UST: variants seen among roughly 807,000 people sequenced by gnomAD.
UST encodes the protein uronyl 2-sulfotransferase, also known as chondroitin sulfate 2-O-sulfotransferase.
In UST, 21 loss-of-function variants were observed where a neutral mutation model predicts 45.6. That is an observed-to-expected ratio of 0.46 (90% confidence interval 0.33 to 0.66). UST has a LOEUF of 0.66. Ranked by LOEUF, UST falls within the 30% of genes least tolerant of loss-of-function variation. The pLI, the probability that UST is intolerant of heterozygous loss-of-function variation, is 0.02. For synonymous variants in UST, 215 were observed against 200.6 expected (o/e 1.07, Z -0.61); for missense variants, 463 against 512.4 (o/e 0.90, Z 0.93).
chr6:149,049,921 T>TCACACACA (rs1392198421), intron 7 of UST, among the ~76,000 whole-genome samples: 3 of 101,446 alleles, frequency 3.0e-5, no homozygotes, highest in African/African-American at 1.3e-4. Flanking sequence ...TCTCTCTCTC[T>TCACACACA]CTCTCTCTCT....
At chr6:148,973,476 A>G (rs902796605) in intron 5 of UST, among the ~76,000 whole-genome samples, 6 of 152,262 alleles carry the variant, frequency 3.9e-5, no homozygotes, top group Non-Finnish European at 8.8e-5. Context: ...TGCTAAATTA[A>G]AAGATGTGGG....
At chr6:148,797,082 C>T (rs1028740206) in intron 1 of UST, among the ~76,000 whole-genome samples, 2 of 152,018 alleles carry the variant, frequency 1.3e-5, no homozygotes, top group Non-Finnish European at 2.9e-5. Context: ...CATGAGCCAC[C>T]GCGCCCAACC....
At chr6:148,973,789 T>A (rs151099353) in intron 5 of UST, among the ~76,000 whole-genome samples, 251 of 152,348 alleles carry the variant, frequency 1.6e-3, no homozygotes, top group African/African-American at 5.5e-3. Flanking sequence ...CTTCAAAATA[T>A]TTTGCAAAGT....
chr6:148,957,947 G>A (rs942446524), intron 4 of UST, among the ~76,000 whole-genome samples: 18 of 152,244 alleles, frequency 1.2e-4, no homozygotes, highest in African/African-American at 3.9e-4. Context: ...TTAACATGCC[G>A]CACGGTACTT....
rs557671941 is a variant in UST at position 148,932,427 on chromosome 6, A to G, written c.292-8852A>G. ...TCTGTGGTAATGAGATACCCAGTTT[A>G]TGGCTGCTTTTTGCCTATTATTTGT... On this transcript the variant is annotated intron_variant, in intron 2 of 7. Coordinates refer to ENST00000367463, the MANE Select transcript of UST (RefSeq NM_005715.3). 3.3e-5 allele frequency among the ~76,000 whole-genome samples: 5 copies of G among 152,342 alleles called. No individual in the cohort carries two copies. In the South Asian group the frequency reaches 8.3e-4, roughly 25 times the overall value.
At position 148,886,374 on chromosome 6, in the gene UST, T is replaced by G. The variant is rs775509983; in HGVS notation, c.248-612T>G. Among the ~76,000 whole-genome samples the G allele has an allele frequency of 2.6e-5, 4 of 152,186 alleles. No homozygotes were observed. In the South Asian group the frequency reaches 6.2e-4, roughly 24 times the overall value. On this transcript the variant is annotated intron_variant, in intron 1 of 7. Transcript: ENST00000367463. ...TGAAAGGAAGTCAGTAAACTTTAAT[T>G]CCCTTCCAAATCCCTCTGAGTCTTT...
chr6:148,819,792 A>C (rs930649773), intron 1 of UST, among the ~76,000 whole-genome samples: 3 of 152,180 alleles, frequency 2.0e-5, no homozygotes, highest in Non-Finnish European at 4.4e-5. Flanking sequence ...GCCTGCCTGG[A>C]ATCTTTTTGT....
intron 2 of UST, among the ~76,000 whole-genome samples, chr6:148,937,832 T>C (rs1053844575): frequency 6.6e-6 from 1 of 152,208 alleles, no homozygotes; most frequent in African/African-American, 2.4e-5. Context: ...GGAATTAAAC[T>C]CTGAGTTTAT....
At chr6:148,827,767 G>A (rs539320663) in intron 1 of UST, among the ~76,000 whole-genome samples, 27 of 148,680 alleles carry the variant, frequency 1.8e-4, no homozygotes, top group Non-Finnish European at 3.7e-4. Context: ...CACTAATTGT[G>A]AATTAGATTG....
At chr6:148,924,737 A>C (rs914460766) in intron 2 of UST, among the ~76,000 whole-genome samples, 10 of 152,146 alleles carry the variant, frequency 6.6e-5, no homozygotes, top group African/African-American at 2.4e-4. Context: ...TCGGAGAAGA[A>C]ACTTGGCCTG....
intron 5 of UST, among the ~76,000 whole-genome samples, chr6:148,980,425 C>T (rs1297114647): frequency 6.6e-6 from 1 of 152,206 alleles, no homozygotes; most frequent in Non-Finnish European, 1.5e-5. Context: ...CCCTCTCTTT[C>T]AGCTTTTGCA....
chr6:148,845,044 C>A (rs1777962047), intron 1 of UST, among the ~76,000 whole-genome samples: 3 of 151,998 alleles, frequency 2.0e-5, no homozygotes, highest in African/African-American at 7.3e-5. Flanking sequence ...CTGATGGGCA[C>A]CTAGGTTGAT....
intron 2 of UST, among the ~76,000 whole-genome samples, chr6:148,933,312 C>G (rs1779957019): frequency 6.6e-6 from 1 of 152,126 alleles, no homozygotes; most frequent in African/African-American, 2.4e-5. Flanking sequence ...TATTAATTAT[C>G]CACTATATAC....
chr6:148,900,973 T>C (rs548618645), intron 2 of UST, among the ~76,000 whole-genome samples: 2 of 152,336 alleles, frequency 1.3e-5, no homozygotes, highest in Admixed American at 1.3e-4. Flanking sequence ...CTCCTTCTCC[T>C]CTCTCCTTCC....
intron 1 of UST, among the ~76,000 whole-genome samples, chr6:148,802,002 G>A (rs1489758062): frequency 6.6e-6 from 1 of 152,168 alleles, no homozygotes; most frequent in East Asian, 1.9e-4. Context: ...TAAAGGGAGA[G>A]GGTGCATAAT....
chr6:149,031,836 C>T (rs1776147582), intron 7 of UST, among the ~76,000 whole-genome samples: 1 of 152,222 alleles, frequency 6.6e-6, no homozygotes. Flanking sequence ...GGAAGGCCGT[C>T]ACTAACAGGG....
chr6:148,866,471 T>C (rs776480905), intron 1 of UST, among the ~76,000 whole-genome samples: 1 of 152,168 alleles, frequency 6.6e-6, no homozygotes, highest in Non-Finnish European at 1.5e-5. Context: ...GGTTGTTTCC[T>C]CGTCTACAAG....
intron 7 of UST, among the ~76,000 whole-genome samples, chr6:149,036,134 T>C (rs897534493): frequency 2.0e-5 from 3 of 152,190 alleles, no homozygotes; most frequent in African/African-American, 7.2e-5. Context: ...ATGGAGCCTC[T>C]GCCCAAACTA....
In UST at chr6:148,764,750, C is replaced by T. The variant is rs542019482; in HGVS notation, c.247+17073C>T. On this transcript the variant is annotated intron_variant, in intron 1 of 7. Coordinates refer to ENST00000367463, the MANE Select transcript of UST (RefSeq NM_005715.3). ...TCACAGAGATCACATGCTTCAAGGG[C>T]AACAAAAGGTCACAAGGCAGAAGGT... 6.6e-4 allele frequency among the ~76,000 whole-genome samples: 101 copies of T among 152,178 alleles called. 1 individual carries two copies. Among genetic ancestry groups the T allele is most frequent in the African/African-American group, 2.3e-3 (94 of 41,510 alleles).
Sources: allele counts gnomAD v4.1 joint callset (sites outside exome capture counted in the v4.1 genomes callset), GRCh38; gene constraint gnomAD v4.1.1; transcripts MANE v1.5; gene names NCBI Gene and HGNC (gene_info 2026-07-23, HGNC 2026-07-21).